THADA: variants seen among roughly 807,000 people sequenced by gnomAD.
The protein encoded by THADA is tRNA (32-2'-O)-methyltransferase regulator THADA.
THADA carries 213 observed loss-of-function variants against 219.8 expected under a neutral mutation model. The observed-to-expected ratio is 0.97, with a 90% CI of 0.87 to 1.09. THADA has a LOEUF of 1.09. Ranked by LOEUF, THADA falls within the 50% of genes least tolerant of loss-of-function variation. The pLI, the probability that THADA is intolerant of heterozygous loss-of-function variation, is 0.00. For synonymous variants in THADA, 1,018 were observed against 828.9 expected (o/e 1.23, Z -3.92); for missense variants, 2,956 against 2,311.3 (o/e 1.28, Z -5.72).
At position 43,343,815 on chromosome 2, in the gene THADA, C is replaced by T. The variant is rs72877399; in HGVS notation, c.4343+307G>A. On this transcript the variant is annotated intron_variant, in intron 30 of 37. Transcript: ENST00000405975. ...TACCACATGATTTAGTCAATTACTG[C>T]CTTTCATTGTTATAATATCTAACAC... 169 of 239,312 alleles carry T rather than the reference C, an allele frequency of 7.1e-4. 1 individual carries two copies. Among genetic ancestry groups the T allele is most frequent in the African/African-American group, 3.6e-3 (162 of 44,674 alleles). The allele number at this position is 239,312 out of a possible 1,614,324, so 14.8% of individuals were successfully genotyped here.
chr2:43,528,973 T>A (rs973091348), intron 21 of THADA, among the ~76,000 whole-genome samples: 1 of 152,100 alleles, frequency 6.6e-6, no homozygotes, highest in African/African-American at 2.4e-5. Context: ...TAACCCGTAT[T>A]ACCTTTTAGA....
chr2:43,546,943 G>A (rs1180285852), intron 20 of THADA, among the ~76,000 whole-genome samples: 5 of 152,124 alleles, frequency 3.3e-5, no homozygotes, highest in African/African-American at 9.7e-5. Context: ...TTGCTCGTTA[G>A]TTGATGCAGT....
chr2:43,556,264 T>C lies in THADA; in HGVS notation c.2674+81A>G, dbSNP rs868440507. On this transcript the variant is annotated intron_variant, in intron 17 of 37. Transcript: ENST00000405975. ...TTTAAATAAAAAACCACAAAATATA[T>C]GTTTAACCATTAGATATTCTAACCA... 12 of 1,550,414 alleles carry C rather than the reference T, an allele frequency of 7.7e-6. No homozygotes were observed. The African/African-American group carries it at 1.1e-4, about 14-fold the overall frequency.
At position 43,257,113 on chromosome 2, in the gene THADA, G is replaced by T. The variant is rs983430810; in HGVS notation, c.5296+22652C>A. Among the ~76,000 whole-genome samples the T allele has an allele frequency of 2.0e-5, 3 of 152,148 alleles. 1 individual carries two copies. The highest frequency in any genetic ancestry group is 4.8e-5 in the African/African-American group (2 of 41,428). On this transcript the variant is annotated intron_variant, in intron 36 of 37. Transcript: ENST00000405975. ...CCTCTGTTGGTGGGTGGAGAGGGGG[G>T]ATGGAAAAACAAAGGCAGACAGAGA...
intron 7 of THADA, 47 bp downstream of exon 7, chr2:43,586,354 G>A: frequency 6.9e-7 from 1 of 1,457,762 alleles, no homozygotes; most frequent in Non-Finnish European, 9.2e-7. Flanking sequence ...CAAAGATAAT[G>A]TACAACTGCA....
rs573509453 is a variant in THADA at position 43,540,138 on chromosome 2, C to G, written c.3264+1021G>C. Among the ~76,000 whole-genome samples the G allele has an allele frequency of 2.0e-5, 3 of 152,312 alleles. No individual in the cohort carries two copies. The East Asian group carries it at 5.8e-4, about 29-fold the overall frequency. ...AATCATTAATCATAGCTGGATTCCT[C>G]AGCAAAGATGTTGGCATTGGCACTA... is the stretch of plus-strand genomic sequence containing the variant. On this transcript the variant is annotated intron_variant, in intron 21 of 37. Transcript: ENST00000405975.
Position 43,500,299 on chromosome 2 carries a change from T to C in THADA, c.3622-1344A>G, listed in dbSNP as rs539960330. On this transcript the variant is annotated intron_variant, in intron 24 of 37. Coordinates refer to ENST00000405975, the MANE Select transcript of THADA (RefSeq NM_022065.5). ...GAAGAGAGCAAGAGGGGGCTTTCAG[T>C]TGCTAGAAATGTTCTATTTCTTGAT... Among the ~76,000 whole-genome samples the C allele has an allele frequency of 5.3e-5, 8 of 152,310 alleles. No individual in the cohort carries two copies. The South Asian group carries it at 1.7e-3, about 32-fold the overall frequency.
chr2:43,537,203 C>T (rs568035894), intron 21 of THADA, among the ~76,000 whole-genome samples: 1 of 152,372 alleles, frequency 6.6e-6, no homozygotes, highest in East Asian at 1.9e-4. Context: ...ACTCAGATAT[C>T]ATCTTACCAG....
At chr2:43,367,129 T>C (rs148785165) in intron 29 of THADA, among the ~76,000 whole-genome samples, 1 of 152,088 alleles carries the variant, frequency 6.6e-6, no homozygotes, top group South Asian at 2.1e-4. Flanking sequence ...ACCAAAGTAG[T>C]CAAACTCACA....
At position 43,242,967 on chromosome 2, in the gene THADA, C is replaced by T. The variant is rs542441617; in HGVS notation, c.5297-10085G>A. Among the ~76,000 whole-genome samples the T allele has an allele frequency of 1.1e-4, 17 of 152,338 alleles. No individual in the cohort carries two copies. The South Asian group carries it at 2.9e-3, about 26-fold the overall frequency. On this transcript the variant is annotated intron_variant, in intron 36 of 37. Transcript: ENST00000405975. ...TGCCTTACCCAGGTGTCCTTGCCAC[C>T]GGGCTTCTAGCTGACTTCTCCTAAT...
rs183600650 is a variant in THADA, at chr2:43,499,839, A to T, written c.3622-884T>A. On this transcript the variant is annotated intron_variant, in intron 24 of 37. Transcript: ENST00000405975. The stretch of plus-strand genomic sequence containing the variant: ...ACATCTCAAATGCTTCTATTTTTTT[A>T]AATGACTAGAATGATTGTGGTAAGT... Among the ~76,000 whole-genome samples the T allele has an allele frequency of 2.4e-3, 359 of 152,332 alleles. 3 individuals carry two copies. Among genetic ancestry groups the T allele is most frequent in the Non-Finnish European group, 2.3e-3 (155 of 68,036 alleles).
intron 21 of THADA, among the ~76,000 whole-genome samples, chr2:43,533,074 G>A (rs1694096129): frequency 6.6e-6 from 1 of 152,110 alleles, no homozygotes; most frequent in African/African-American, 2.4e-5. Context: ...CAAAAAGTGG[G>A]CAAAGGATAT....
intron 21 of THADA, among the ~76,000 whole-genome samples, chr2:43,535,820 T>G (rs78572881): frequency 6.6e-6 from 1 of 152,030 alleles, no homozygotes; most frequent in Non-Finnish European, 1.5e-5. Context: ...AATTTCTGTT[T>G]TTTGTTTTTG....
At chr2:43,251,928 C>T (rs1669842658) in intron 36 of THADA, among the ~76,000 whole-genome samples, 1 of 152,172 alleles carries the variant, frequency 6.6e-6, no homozygotes, top group Non-Finnish European at 1.5e-5. Flanking sequence ...CGTGTTTCTT[C>T]CTCCTCCCGG....
rs75491623 is a variant in THADA, at chr2:43,325,610, G to A, written c.4344-5070C>T. Among the ~76,000 whole-genome samples the A allele has an allele frequency of 4.5e-3, 691 of 152,080 alleles. 2 individuals carry two copies. Among genetic ancestry groups the A allele is most frequent in the African/African-American group, 0.016 (660 of 41,480 alleles). On this transcript the variant is annotated intron_variant, in intron 30 of 37. Coordinates refer to ENST00000405975, the MANE Select transcript of THADA (RefSeq NM_022065.5). ...GAGAGATGGGGGCAGAAGAAGAAGG[G>A]AGAAAAGGAGCTAGGAGGAAGACAG...
At chr2:43,264,301 T>C (rs1391832716) in intron 36 of THADA, among the ~76,000 whole-genome samples, 1 of 151,944 alleles carries the variant, frequency 6.6e-6, no homozygotes, top group East Asian at 1.9e-4. Flanking sequence ...TTTTTTTTTT[T>C]TGAGACGGTG....
chr2:43,570,490 T>C lies in THADA; in HGVS notation c.2085A>G (p.Glu695=), dbSNP rs75542920. 4.3e-5 allele frequency: 70 copies of C among 1,610,160 alleles called. 1 individual carries two copies. The South Asian group carries it at 7.7e-4, about 18-fold the overall frequency. ...CCAATTTATAAAGTACCTGAGAACT[T>C]TCCTGTATCCTACAAAACAACTTTT... ...LLKKLFCRIQ[E]SSQVLYKLEQ... The change falls in exon 14 of 38, where the codon GAA becomes GAG. Residue 695 remains glutamate, a synonymous_variant. Coordinates refer to ENST00000405975, the MANE Select transcript of THADA (RefSeq NM_022065.5).
At chr2:43,366,636 G>T (rs1305319268) in intron 29 of THADA, among the ~76,000 whole-genome samples, 1 of 152,152 alleles carries the variant, frequency 6.6e-6, no homozygotes, top group Non-Finnish European at 1.5e-5. Flanking sequence ...AGGCCAACAA[G>T]CAAATCAGCA....
intron 24 of THADA, among the ~76,000 whole-genome samples, chr2:43,505,065 G>C (rs1228564631): frequency 6.6e-6 from 1 of 152,146 alleles, no homozygotes; most frequent in African/African-American, 2.4e-5. Context: ...CTAAATGCTA[G>C]TAAAATATGA....
Sources: gnomAD v4.1 joint callset for allele counts (sites outside exome capture counted in the v4.1 genomes callset) on GRCh38, gnomAD v4.1.1 for gene constraint, MANE v1.5 for transcripts, NCBI Gene and HGNC (gene_info 2026-07-23, HGNC 2026-07-21) for gene names.